The following ROBO2 variants were observed in gnomAD, a reference collection of about 807,000 sequenced individuals.
ROBO2 encodes the protein roundabout homolog 2.
ROBO2 carries 53 observed loss-of-function variants against 160.8 expected under a neutral mutation model. That is an observed-to-expected ratio of 0.33 (90% CI 0.26 to 0.41). The LOEUF (loss-of-function observed/expected upper bound fraction) is 0.41. Among genes scored for constraint, ROBO2 ranks in the 10% least tolerant of loss-of-function variants. The pLI, the probability that ROBO2 is intolerant of heterozygous loss-of-function variation, is 1.00. For synonymous variants in ROBO2, 664 were observed against 611.7 expected, an observed-to-expected ratio of 1.09 and a Z score of -1.26; for missense variants, 1,577 against 1,722.4, an observed-to-expected ratio of 0.92 and a Z score of 1.49.
chr3:76,730,146 A>G (rs1448687742), intron 2 of ROBO2, among the ~76,000 whole-genome samples: 1 of 150,982 alleles, frequency 6.6e-6, no homozygotes, highest in Non-Finnish European at 1.5e-5. Context: ...CCTACCTCCT[A>G]TTTCACCTCC....
chr3:75,929,237 T>G (rs1171747316), intron 1 of ROBO2, among the ~76,000 whole-genome samples: 4 of 151,140 alleles, frequency 2.6e-5, no homozygotes, highest in Non-Finnish European at 5.9e-5. Context: ...GTTCATTGAA[T>G]AAGAAGCCTG....
At chr3:77,578,964 A>G (rs1002358683) in intron 15 of ROBO2, among the ~76,000 whole-genome samples, 1 of 152,100 alleles carries the variant, frequency 6.6e-6, no homozygotes, top group Non-Finnish European at 1.5e-5. Flanking sequence ...CAAAGCACAT[A>G]TGTAGGTAAG....
At chr3:77,622,407 G>A (rs1296188635) in exon 23 of ROBO2, 1 of 1,613,982 alleles carries the variant, frequency 6.2e-7, no homozygotes, top group East Asian at 2.2e-5. Context: ...GATCCAGCAT[G>A]GACAATCTAG....
chr3:75,981,920 C>T (rs1170019433), intron 2 of ROBO2, among the ~76,000 whole-genome samples: 1 of 151,294 alleles, frequency 6.6e-6, no homozygotes, highest in African/African-American at 2.4e-5. Context: ...TCCCAAAAAC[C>T]CCCTACCCTT....
At chr3:76,457,268 G>A (rs1337829527) in intron 2 of ROBO2, among the ~76,000 whole-genome samples, 1 of 152,180 alleles carries the variant, frequency 6.6e-6, no homozygotes, top group Non-Finnish European at 1.5e-5. Context: ...ACAGATATTG[G>A]GTAAATACAG....
At chr3:77,148,354 T>C (rs771165085) in intron 2 of ROBO2, among the ~76,000 whole-genome samples, 2 of 152,228 alleles carry the variant, frequency 1.3e-5, no homozygotes, top group Non-Finnish European at 2.9e-5. Flanking sequence ...GCTTCTTATT[T>C]ACACTGGGCA....
chr3:76,058,148 G>A (rs564767741), intron 2 of ROBO2, among the ~76,000 whole-genome samples: 12 of 151,978 alleles, frequency 7.9e-5, no homozygotes, highest in African/African-American at 2.9e-4. Context: ...CACATGTGCA[G>A]AATGTGCAGG....
At chr3:76,672,152 T>A (rs934127147) in intron 2 of ROBO2, among the ~76,000 whole-genome samples, 3 of 152,156 alleles carry the variant, frequency 2.0e-5, no homozygotes, top group African/African-American at 7.2e-5. Context: ...AGCTTCTAGC[T>A]TTCTGCTTTG....
intron 2 of ROBO2, among the ~76,000 whole-genome samples, chr3:76,278,430 G>T (rs971549807): frequency 6.6e-6 from 1 of 151,894 alleles, no homozygotes; most frequent in Non-Finnish European, 1.5e-5. Context: ...ACTTATATTT[G>T]TATAAACCAT....
At chr3:76,273,003 T>C (rs1165799931) in intron 2 of ROBO2, among the ~76,000 whole-genome samples, 1 of 94,362 alleles carries the variant, frequency 1.1e-5, no homozygotes, top group African/African-American at 4.3e-5. Context: ...ATAATTTATA[T>C]ATAAAAATAT....
intron 2 of ROBO2, among the ~76,000 whole-genome samples, chr3:76,582,489 G>C (rs2085763442): frequency 6.6e-6 from 1 of 152,038 alleles, no homozygotes; most frequent in Non-Finnish European, 1.5e-5. Context: ...CATAGATTAT[G>C]ATGTTACTTG....
At chr3:77,117,887 A>G (rs2074363751) in intron 2 of ROBO2, among the ~76,000 whole-genome samples, 1 of 152,186 alleles carries the variant, frequency 6.6e-6, no homozygotes, top group South Asian at 2.1e-4. Context: ...CTTAATCTTC[A>G]TATGATGCAT....
intron 22 of ROBO2, among the ~76,000 whole-genome samples, chr3:77,618,665 TATTCTC>T (rs1201878909): frequency 6.6e-6 from 1 of 152,034 alleles, no homozygotes; most frequent in Non-Finnish European, 1.5e-5. Context: ...AAATAATTCT[TATTCTC>T]ATTATTAATG....
intron 2 of ROBO2, chr3:75,937,655 A>T (rs1947846173): frequency 1.9e-5 from 22 of 1,165,858 alleles, no homozygotes; most frequent in Non-Finnish European, 2.4e-5. Context: ...ATTTCACTTT[A>T]TGATGATATT....
At chr3:76,079,051 C>T (rs2108012785) in intron 2 of ROBO2, among the ~76,000 whole-genome samples, 1 of 152,196 alleles carries the variant, frequency 6.6e-6, no homozygotes, top group East Asian at 1.9e-4. Flanking sequence ...GAGCTAGGCA[C>T]AGAATGACCA....
intron 17 of ROBO2, among the ~76,000 whole-genome samples, chr3:77,592,424 A>T (rs1431113257): frequency 2.6e-5 from 4 of 152,166 alleles, no homozygotes; most frequent in Non-Finnish European, 4.4e-5. Flanking sequence ...ATATTTTTAA[A>T]TTTAAATTAT....
chr3:77,270,771 C>T (rs34858083), intron 2 of ROBO2, among the ~76,000 whole-genome samples: 33,486 of 151,750 alleles, frequency 0.22, 3,996 homozygotes, highest in Middle Eastern at 0.33. Flanking sequence ...GGTGAAACCC[C>T]GTCTCTACTA....
chr3:77,047,403 G>A (rs1473886772), intron 1 of ROBO2, among the ~76,000 whole-genome samples: 4 of 152,114 alleles, frequency 2.6e-5, no homozygotes, highest in African/African-American at 9.7e-5. Context: ...ACGATATATA[G>A]GCAGGGCATG....
chr3:76,256,346 T>A (rs1366864364), intron 2 of ROBO2, among the ~76,000 whole-genome samples: 2,233 of 82,214 alleles, frequency 0.027, 33 homozygotes, highest in East Asian at 0.038. Context: ...TCTCTCTCTC[T>A]CTCTCTCACA....
Sources: gnomAD v4.1 joint callset for allele counts (sites outside exome capture counted in the v4.1 genomes callset) on GRCh38, gnomAD v4.1.1 for gene constraint, MANE v1.5 for transcripts, NCBI Gene and HGNC (gene_info 2026-07-23, HGNC 2026-07-21) for gene names.